ABHD1: variants seen among roughly 807,000 people sequenced by gnomAD.
ABHD1 encodes abhydrolase domain containing 1.
Under a neutral mutation model 41.4 loss-of-function variants are expected in ABHD1, and 47 were observed. The observed-to-expected ratio is 1.13, with a 90% CI of 0.90 to 1.45. The LOEUF (loss-of-function observed/expected upper bound fraction) is 1.45. ABHD1 is among the 40% of genes most tolerant of loss of function. ABHD1 has a pLI of 0.00. For missense variants in ABHD1, 550 were observed against 503.4 expected (o/e 1.09, Z -0.89); for synonymous variants, 205 against 203.7 (o/e 1.01, Z -0.05).
chr2:27,130,056 T>TG (rs1672162066), intron 6 of ABHD1, 49 bp from the exon 7 acceptor site: 5 of 1,612,704 alleles, frequency 3.1e-6, no homozygotes, highest in Non-Finnish European at 3.4e-6. Flanking sequence ...GGCCTGGGGG[T>TG]GGGGGATCAG....
chr2:27,128,150 G>A (rs1163944487), intron 1 of ABHD1, among the ~76,000 whole-genome samples: 1 of 152,176 alleles, frequency 6.6e-6, no homozygotes, highest in Non-Finnish European at 1.5e-5. Context: ...TGGGTTTGGG[G>A]CATGGATAGG....
At position 27,123,900 on chromosome 2, in the gene ABHD1, C is replaced by T; in HGVS notation, c.-49C>T. On this transcript the variant is annotated 5_prime_UTR_variant, in exon 1 of 9. Transcript: ENST00000316470. ...GGGTGGGACCGCGAGTTACAGCCGG[C>T]CAACTGGGGCCAGCCAGGAGCCTGA... The T allele has an allele frequency of 1.3e-6, 2 of 1,541,858 alleles. No homozygotes were observed. Among genetic ancestry groups the T allele is most frequent in the Non-Finnish European group, 1.8e-6 (2 of 1,120,930 alleles).
chr2:27,124,070 C>T lies in ABHD1; in HGVS notation c.114+8C>T, dbSNP rs1427005598. 1 of 1,612,212 alleles carries T rather than the reference C, an allele frequency of 6.2e-7. No individual in the cohort carries two copies. Among genetic ancestry groups the T allele is most frequent in the Middle Eastern group, 1.7e-4 (1 of 6,058 alleles). ...TGGGCATGTGTGCTTCAGGTGGGTG[C>T]GGGTCCACCGCTCTGGCCAGCGGGT... On this transcript the variant is annotated splice_region_variant and intron_variant, in intron 1 of 8. Transcript: ENST00000316470.
intron 5 of ABHD1, 32 bp from the exon 6 acceptor site, chr2:27,129,722 C>T (rs1437305457): frequency 6.2e-7 from 1 of 1,612,718 alleles, no homozygotes; most frequent in Non-Finnish European, 8.5e-7. Flanking sequence ...AATGCAAACC[C>T]TTCTTTCATG....
At chr2:27,124,162 TC>T in intron 1 of ABHD1, 100 bp downstream of exon 1, 2 of 1,098,248 alleles carry the variant, frequency 1.8e-6, no homozygotes, top group Non-Finnish European at 2.8e-6. Flanking sequence ...TGGTTGGGCT[TC>T]CCCACAGGTG....
chr2:27,129,887 A>G lies in ABHD1; in HGVS notation c.751A>G (p.Asn251Asp). The G allele has an allele frequency of 1.2e-6, 2 of 1,614,022 alleles. No individual in the cohort carries two copies. Among genetic ancestry groups the G allele is most frequent in the Non-Finnish European group, 1.7e-6 (2 of 1,180,014 alleles). Residue 251 changes from asparagine to aspartate, a missense_variant, in exon 6 of 9, where the codon AAT (asparagine) becomes GAT (aspartate). Physicochemically the swap from Asn to Asp is conservative, Grantham distance 23. Transcript: ENST00000316470. ...AACCCCACTCAACTCACTGCTCTTC[A>G]ATCAGCCCCTCACTGCTGGGCTCTG... Reference protein sequence around the residue: ...LETPLNSLLFNQPLTAGLCQL... With the variant: ...LETPLNSLLFDQPLTAGLCQL...
In ABHD1 at chr2:27,123,982, A is replaced by C; in HGVS notation, c.34A>C (p.Thr12Pro). Residue 12 changes from threonine to proline, a missense_variant, in exon 1 of 9, where the codon ACC becomes CCC. Thr to Pro is a conservative substitution (Grantham distance 38, BLOSUM62 -1). Coordinates refer to ENST00000316470, the MANE Select transcript of ABHD1 (RefSeq NM_032604.4). ...CTCCTTCCTGAGCCCCCAGAATGGC[A>C]CCTGGGCAGACACCTTCTCTCTGCT... is the stretch of plus-strand genomic sequence containing the variant. ...LSSFLSPQNG[T>P]WADTFSLLLA... The C allele has an allele frequency of 6.2e-7, 1 of 1,614,236 alleles. No individual in the cohort carries two copies. The highest frequency in any genetic ancestry group is 8.5e-7 in the Non-Finnish European group (1 of 1,180,038).
rs1672072959 is a variant in ABHD1 at position 27,128,539 on chromosome 2, G to A, written c.213G>A (p.Glu71=). 2 of 1,614,002 alleles carry A rather than the reference G, an allele frequency of 1.2e-6. No individual in the cohort carries two copies. The highest frequency in any genetic ancestry group is 1.7e-6 in the Non-Finnish European group (2 of 1,179,996). The change falls in exon 2 of 9, where the codon GAG becomes GAA. Residue 71 remains glutamate, a synonymous_variant. Transcript: ENST00000316470. The stretch of plus-strand genomic sequence containing the variant: ...TCTACCCAACGCTGTGGTGTTTTGA[G>A]GGGCGACTACAAAGCATCTTCCAAG... ...ETFYPTLWCF[E]GRLQSIFQVL...
At chr2:27,128,808 G>A (rs1157983134) in intron 2 of ABHD1, 137 bp from the exon 3 acceptor site, 1 of 1,251,512 alleles carries the variant, frequency 8.0e-7, no homozygotes, top group Non-Finnish European at 1.1e-6. Context: ...AAGCCTTACT[G>A]TTTTACATGA....
intron 1 of ABHD1, chr2:27,126,528 T>C (rs1671962586): frequency 6.6e-6 from 1 of 152,230 alleles, no homozygotes; most frequent in Admixed American, 6.5e-5. Context: ...ATATGCAGTT[T>C]CTATTCTTGA....
intron 1 of ABHD1, 35 bp downstream of exon 1, chr2:27,124,097 T>C (rs372557192): frequency 9.1e-5 from 145 of 1,592,742 alleles, no homozygotes; most frequent in Non-Finnish European, 1.2e-4. Flanking sequence ...CCAGCGGGTT[T>C]GGGTGTAGGG....
intron 3 of ABHD1, 87 bp from the exon 4 acceptor site, chr2:27,129,229 G>A: frequency 6.3e-7 from 1 of 1,599,238 alleles, no homozygotes; most frequent in Admixed American, 1.7e-5. Flanking sequence ...TACACAAAGG[G>A]AGTCTTTGGA....
Position 27,129,887 on chromosome 2 carries a change from A to C in ABHD1, c.751A>C (p.Asn251His), listed in dbSNP as rs1672153746. The C allele has an allele frequency of 1.2e-6, 2 of 1,614,022 alleles. No homozygotes were observed. Among genetic ancestry groups the C allele is most frequent in the African/African-American group, 1.3e-5 (1 of 75,058 alleles). Residue 251 changes from asparagine to histidine, a missense_variant, in exon 6 of 9, where the codon AAT (asparagine) becomes CAT (histidine). By Grantham distance (68) the Asn-to-His change is moderately conservative. Coordinates refer to ENST00000316470, the MANE Select transcript of ABHD1 (RefSeq NM_032604.4). ...AACCCCACTCAACTCACTGCTCTTC[A>C]ATCAGCCCCTCACTGCTGGGCTCTG... ...LETPLNSLLFNQPLTAGLCQL... is the reference protein window; with the variant it reads ...LETPLNSLLFHQPLTAGLCQL...
chr2:27,129,106 A>T lies in ABHD1; in HGVS notation c.437A>T (p.Gln146Leu). The change falls in exon 3 of 9, where the codon CAA becomes CTA. Residue 146 changes from glutamine (Q) to leucine (L), a missense_variant. Gln to Leu is a moderately radical substitution (Grantham distance 113). Transcript: ENST00000316470. ...QETYVLHLVN[Q>L]ALRDGYQAVV... The stretch of plus-strand genomic sequence containing the variant: ...ACATACGTCTTGCACCTAGTTAACC[A>T]AGCTCTGAGGGATGGCTACCAGTAA... The T allele has an allele frequency of 6.2e-7, 1 of 1,613,424 alleles. No individual in the cohort carries two copies. Among genetic ancestry groups the T allele is most frequent in the Non-Finnish European group, 8.5e-7 (1 of 1,179,914 alleles).
rs1558476567 is a variant in ABHD1 at position 27,130,385 on chromosome 2, TGCA to T, written c.980_982del (p.Ala327del). On this transcript the variant is annotated inframe_deletion, in exon 8 of 9. Coordinates refer to ENST00000316470, the MANE Select transcript of ABHD1 (RefSeq NM_032604.4). The stretch of plus-strand genomic sequence containing the variant: ...TCCGGATCCCTGTGCTCTATCTCAG[TGCA>T]GCAGATGACCCCTTCTCCCCCGTCT... 1 of 1,614,160 alleles carries T rather than the reference TGCA, an allele frequency of 6.2e-7. No individual in the cohort carries two copies. Among genetic ancestry groups the T allele is most frequent in the Non-Finnish European group, 8.5e-7 (1 of 1,180,034 alleles).
chr2:27,129,831 G>A lies in ABHD1; in HGVS notation c.695G>A (p.Trp232Ter), dbSNP rs750704153. 4.3e-6 allele frequency: 7 copies of A among 1,614,190 alleles called. No homozygotes were observed. The highest frequency in any genetic ancestry group is 2.2e-5 in the South Asian group (2 of 91,084). The change falls in exon 6 of 9, where the codon TGG becomes TAG. Residue 232 changes from tryptophan to a stop codon, truncating the protein, a stop_gained. Transcript: ENST00000316470. LOFTEE classifies it high-confidence loss of function. Reference sequence around the variant, plus strand: ...GCAGCACTGACTCTGTCTGCATGCTGGGATTCCTTTGAGACCACTCGCTCC... The same window carrying A: ...GCAGCACTGACTCTGTCTGCATGCTAGGATTCCTTTGAGACCACTCGCTCC... ...LVAALTLSAC[W>*]DSFETTRSLE...
chr2:27,130,812 A>C lies in ABHD1; in HGVS notation c.*68A>C. The C allele has an allele frequency of 1.3e-6, 2 of 1,532,498 alleles. No individual in the cohort carries two copies. The highest frequency in any genetic ancestry group is 1.8e-6 in the Non-Finnish European group (2 of 1,113,410). The allele number at this position is 1,532,498 out of a possible 1,614,324, so 94.9% of individuals were successfully genotyped here. A position where few individuals can be genotyped will look rare whatever the true frequency, so the allele number is the denominator to read the frequency against. On this transcript the variant is annotated 3_prime_UTR_variant, in exon 9 of 9. Transcript: ENST00000316470. ...ATTAAATATCAACTTTTCCTGCCTA[A>C]TGGGCTGAGGTTCATTTTCCCATTC...
chr2:27,130,798 A>G lies in ABHD1; in HGVS notation c.*54A>G. The G allele has an allele frequency of 2.5e-6, 4 of 1,574,854 alleles. No individual in the cohort carries two copies. The highest frequency in any genetic ancestry group is 2.3e-5 in the East Asian group (1 of 44,426). The stretch of plus-strand genomic sequence containing the variant: ...CTCTTTCCTTGTTTATTAAATATCA[A>G]CTTTTCCTGCCTAATGGGCTGAGGT... On this transcript the variant is annotated 3_prime_UTR_variant, in exon 9 of 9. Coordinates refer to ENST00000316470, the MANE Select transcript of ABHD1 (RefSeq NM_032604.4).
In ABHD1 at chr2:27,123,995, C is replaced by T. The variant is rs769973107; in HGVS notation, c.47C>T (p.Thr16Ile). Residue 16 changes from threonine (T) to isoleucine (I), a missense_variant, in exon 1 of 9, where the codon ACC becomes ATC. Thr to Ile is a moderately conservative substitution (Grantham distance 89, BLOSUM62 -1). Coordinates refer to ENST00000316470, the MANE Select transcript of ABHD1 (RefSeq NM_032604.4). ...CCCCAGAATGGCACCTGGGCAGACA[C>T]CTTCTCTCTGCTCTTGGCTCTTGCC... is the stretch of plus-strand genomic sequence containing the variant. ...LSPQNGTWAD[T>I]FSLLLALAVA... The T allele has an allele frequency of 3.1e-6, 5 of 1,614,138 alleles. No homozygotes were observed. Among genetic ancestry groups the T allele is most frequent in the Non-Finnish European group, 4.2e-6 (5 of 1,180,052 alleles).
Sources: allele counts gnomAD v4.1 joint callset (sites outside exome capture counted in the v4.1 genomes callset), GRCh38; gene constraint gnomAD v4.1.1; transcripts MANE v1.5; gene names NCBI Gene and HGNC (gene_info 2026-07-23, HGNC 2026-07-21).